LRRK1: variants seen among roughly 807,000 people sequenced by gnomAD.
LRRK1 encodes the protein leucine-rich repeat serine/threonine-protein kinase 1.
Under a neutral mutation model 209.1 loss-of-function variants are expected in LRRK1, and 113 were observed. The ratio of observed to expected loss-of-function variants is 0.54; its 90% CI spans 0.46 to 0.63. The LOEUF is 0.63. Among genes scored for constraint, LRRK1 ranks in the 30% least tolerant of loss-of-function variants. The pLI is 0.00. For synonymous variants in LRRK1, 1,144 were observed against 1,099.7 expected (o/e 1.04, Z -0.80); for missense variants, 2,284 against 2,632.2 (o/e 0.87, Z 2.89).
At chr15:101,033,558 A>G (rs543163706) in intron 20 of LRRK1, among the ~76,000 whole-genome samples, 2 of 152,154 alleles carry the variant, frequency 1.3e-5, no homozygotes, top group Non-Finnish European at 2.9e-5. Context: ...CATTTAATGT[A>G]ATGACTTACA....
rs561028240 is a variant in LRRK1, at chr15:101,065,477, C to T, written c.5040C>T (p.Ser1680=). 1.2e-6 allele frequency: 2 copies of T among 1,614,242 alleles called. No individual in the cohort carries two copies. Among genetic ancestry groups the T allele is most frequent in the African/African-American group, 2.7e-5 (2 of 75,072 alleles). Residue 1680 remains serine, a synonymous_variant, in exon 32 of 34, where the codon AGC becomes AGT. Coordinates refer to ENST00000388948, the MANE Select transcript of LRRK1 (RefSeq NM_024652.6). The part of the protein sequence containing the change: ...CSHTANRSKF[S]IADEDARQNP... ...ACACAGCCAACAGGTCCAAGTTCAGCATCGCGGATGAAGACGCACGGCAGA... is the reference window on the plus strand; with the variant it reads ...ACACAGCCAACAGGTCCAAGTTCAGTATCGCGGATGAAGACGCACGGCAGA...
chr15:100,973,826 G>A lies in LRRK1; in HGVS notation c.120G>A (p.Lys40=), dbSNP rs2031114890. 13 of 1,292,874 alleles carry A rather than the reference G, an allele frequency of 1.0e-5. No homozygotes were observed. The highest frequency in any genetic ancestry group is 1.5e-5 in the African/African-American group (1 of 64,786). The allele number at this position is 1,292,874 out of a possible 1,614,324, so 80.1% of individuals were successfully genotyped here. A position where few individuals can be genotyped will look rare whatever the true frequency, so the allele number is the denominator to read the frequency against. Residue 40 remains lysine, a synonymous_variant, in exon 3 of 34, where the codon AAG becomes AAA. Coordinates refer to ENST00000388948, the MANE Select transcript of LRRK1 (RefSeq NM_024652.6). ...TLNGAGDTGG[K]PSTRGGDPAA... ...CAGGTGCCGGGGACACGGGCGGCAA[G>A]CCGTCCACGCGGGGCGGTGACCCTG...
intron 2 of LRRK1, among the ~76,000 whole-genome samples, chr15:100,941,318 GTGTGTGTGTCTGTGTC>G (rs2042407663): frequency 1.2e-5 from 1 of 86,340 alleles, no homozygotes; most frequent in Admixed American, 1.1e-4. Flanking sequence ...GTGTGTCTGT[GTGTGTGTGTCTGTGTC>G]TCTGTGTGTG....
intron 2 of LRRK1, among the ~76,000 whole-genome samples, chr15:100,962,823 A>ATATATATTTTTT: frequency 6.1e-4 from 7 of 11,542 alleles, no homozygotes; most frequent in Admixed American, 2.0e-3. Flanking sequence ...ATATATATAT[A>ATATATATTTTTT]TTTTTTTTTT....
chr15:101,055,197 A>G lies in LRRK1; in HGVS notation c.4306A>G (p.Arg1436Gly). Reference sequence around the variant, plus strand: ...TCCTGGCTACCAGGCCCCAGAGATCAGGCCTCGCATTGTATATGATGAGAA... The same window carrying G: ...TCCTGGCTACCAGGCCCCAGAGATCGGGCCTCGCATTGTATATGATGAGAA... ...GTPGYQAPEI[R>G]PRIVYDEKVD... The change falls in exon 27 of 34, where the codon AGG becomes GGG. Residue 1436 changes from arginine (R) to glycine (G), a missense_variant. Arg to Gly is a moderately radical substitution (Grantham distance 125). This residue lies in a region of LRRK1 where 59 missense variants were observed against 103.8 expected (regional missense o/e 0.57). Transcript: ENST00000388948. The G allele has an allele frequency of 6.3e-7, 1 of 1,595,710 alleles. No homozygotes were observed. Among genetic ancestry groups the G allele is most frequent in the East Asian group, 2.2e-5 (1 of 44,682 alleles).
rs553062259 is a variant in LRRK1, at chr15:101,057,986, T to A, written c.4528-4T>A. 1 of 1,613,808 alleles carries A rather than the reference T, an allele frequency of 6.2e-7. No homozygotes were observed. On this transcript the variant is annotated splice_region_variant and splice_polypyrimidine_tract_variant and intron_variant, in intron 28 of 33. Transcript: ENST00000388948. ...GCTCTCTTCTGGTGGCTTCTCTCCC[T>A]CAGCGACCGCTGGCCCTGTCGGTGG...
At chr15:100,958,567 C>T (rs906443224) in intron 2 of LRRK1, among the ~76,000 whole-genome samples, 10 of 152,202 alleles carry the variant, frequency 6.6e-5, no homozygotes, top group Non-Finnish European at 8.8e-5. Flanking sequence ...CATGATTCAT[C>T]CCAGATGGCT....
At chr15:100,933,230 G>A (rs2042241337) in intron 2 of LRRK1, among the ~76,000 whole-genome samples, 1 of 152,158 alleles carries the variant, frequency 6.6e-6, no homozygotes, top group Non-Finnish European at 1.5e-5. Context: ...GCCCTGTGGT[G>A]ACCTGGTTTT....
chr15:100,949,512 T>G (rs2042604876), intron 2 of LRRK1, among the ~76,000 whole-genome samples: 1 of 152,146 alleles, frequency 6.6e-6, no homozygotes, highest in East Asian at 1.9e-4. Flanking sequence ...GGAAGAATAC[T>G]TCCCAATTCA....
At position 101,045,013 on chromosome 15, in the gene LRRK1, T is replaced by C. The variant is rs145615833; in HGVS notation, c.2964-968T>C. 4.3e-4 allele frequency among the ~76,000 whole-genome samples: 65 copies of C among 152,312 alleles called. 4 individuals are homozygous for C. In the East Asian group the frequency reaches 7.3e-3, roughly 17 times the overall value. ...TTCACCACCTGTGTCTGCTGTGTCA[T>C]CTGCACAGCCCCCGTCTACCTTCAC... On this transcript the variant is annotated intron_variant, in intron 20 of 33. Coordinates refer to ENST00000388948, the MANE Select transcript of LRRK1 (RefSeq NM_024652.6).
chr15:101,055,863 T>C (rs1344726106), intron 27 of LRRK1, among the ~76,000 whole-genome samples: 1 of 152,246 alleles, frequency 6.6e-6, no homozygotes, highest in East Asian at 1.9e-4. Context: ...GCCTTGTTAA[T>C]TGATCACCCA....
chr15:101,004,058 A>T (rs1007576792), intron 6 of LRRK1, among the ~76,000 whole-genome samples: 3 of 152,228 alleles, frequency 2.0e-5, no homozygotes, highest in African/African-American at 7.2e-5. Context: ...ATGAACAAGC[A>T]GTTTCTGCAC....
intron 6 of LRRK1, among the ~76,000 whole-genome samples, chr15:101,008,339 T>A (rs367933418): frequency 2.0e-5 from 3 of 152,244 alleles, no homozygotes; most frequent in South Asian, 4.2e-4. Flanking sequence ...GAAAGCAGCC[T>A]GTCCACCAAG....
intron 20 of LRRK1, among the ~76,000 whole-genome samples, chr15:101,042,838 C>T (rs1596311875): frequency 6.6e-6 from 1 of 152,236 alleles, no homozygotes; most frequent in Non-Finnish European, 1.5e-5. Context: ...GTGTTGGCTT[C>T]TTCTTTCCTC....
At chr15:101,023,008 G>T (rs2033868534) in intron 15 of LRRK1, among the ~76,000 whole-genome samples, 1 of 152,022 alleles carries the variant, frequency 6.6e-6, no homozygotes. Context: ...CAATTCCCAG[G>T]CCTCACCTCA....
rs11323145 is a variant in LRRK1 at position 101,022,816 on chromosome 15, C to CTTT, written c.2067+229_2067+231dup. ...TGATGTTTTCTTTTTCTTTACTTTT[C>CTTT]TTTTTTTTTTTTCTTGAGACAGGGT... is the stretch of plus-strand genomic sequence containing the variant. On this transcript the variant is annotated intron_variant, in intron 15 of 33. Transcript: ENST00000388948. This position sits in a 1 kb window ranked among gnomAD's most constrained non-coding sequence, Gnocchi z 4.0. Among the ~76,000 whole-genome samples, 2 of 146,800 alleles carry CTTT rather than the reference C, an allele frequency of 1.4e-5. No homozygotes were observed. Among genetic ancestry groups the CTTT allele is most frequent in the African/African-American group, 2.5e-5 (1 of 40,194 alleles).
chr15:101,027,328 A>C lies in LRRK1; in HGVS notation c.2473A>C (p.Ser825Arg). Residue 825 changes from serine (S) to arginine (R), a missense_variant, in exon 18 of 34, where the codon AGC becomes CGC. Transcript: ENST00000388948. This position sits in a 1 kb window ranked among gnomAD's most constrained non-coding sequence, Gnocchi z 5.1. ...ACAGCTGATTTTCCACGTCACGTGC[A>C]GCATGAAGGACGTGGGCAGCACCAT... ...LRQLIFHVTC[S>R]MKDVGSTIGC... The C allele has an allele frequency of 6.2e-7, 1 of 1,614,110 alleles. No individual in the cohort carries two copies. The highest frequency in any genetic ancestry group is 8.5e-7 in the Non-Finnish European group (1 of 1,180,016).
At chr15:101,010,168 A>G (rs1222611157) in intron 7 of LRRK1, among the ~76,000 whole-genome samples, 1 of 152,114 alleles carries the variant, frequency 6.6e-6, no homozygotes, top group Non-Finnish European at 1.5e-5. Context: ...CTTTCAGGGA[A>G]CCTACTCATT....
chr15:100,958,282 T>G (rs1011352180), intron 2 of LRRK1, among the ~76,000 whole-genome samples: 1 of 152,212 alleles, frequency 6.6e-6, no homozygotes, highest in Non-Finnish European at 1.5e-5. Flanking sequence ...ATTGGGGCCC[T>G]TCATTTTGGC....
Sources: gnomAD v4.1 joint callset for allele counts (sites outside exome capture counted in the v4.1 genomes callset) on GRCh38, gnomAD v4.1.1 for gene constraint, gnomAD v4.1.1 regional missense constraint, Gnocchi (gnomAD v3.1) non-coding constraint, MANE v1.5 for transcripts, NCBI Gene and HGNC (gene_info 2026-07-23, HGNC 2026-07-21) for gene names.